Variants in DTNB observed in about 807,000 individuals in gnomAD.
DTNB encodes the protein DTN-B.
DTNB carries 63 observed loss-of-function variants against 90.7 expected under a neutral mutation model. The ratio of observed to expected loss-of-function variants is 0.69; its 90% CI spans 0.57 to 0.86. The LOEUF (loss-of-function observed/expected upper bound fraction) is 0.86, where lower values mean the gene tolerates loss of function less well. Among genes scored for constraint, DTNB ranks in the 40% least tolerant of loss-of-function variants. The probability of loss-of-function intolerance (pLI) is 0.00; values close to 1 mark genes in which losing one functional copy is unlikely to be tolerated. For missense variants in DTNB, 744 were observed against 807.1 expected (o/e 0.92, Z 0.95); for synonymous variants, 277 against 286.7 (o/e 0.97, Z 0.34).
At chr2:25,563,710 A>G (rs2058587657) in intron 8 of DTNB, among the ~76,000 whole-genome samples, 1 of 152,202 alleles carries the variant, frequency 6.6e-6, no homozygotes, top group Non-Finnish European at 1.5e-5. Flanking sequence ...TGAAAAGACT[A>G]TTCTTTCCTC....
intron 16 of DTNB, among the ~76,000 whole-genome samples, chr2:25,401,493 C>A (rs80304907): frequency 6.6e-6 from 1 of 152,176 alleles, no homozygotes; most frequent in Non-Finnish European, 1.5e-5. Context: ...ACCAGCTGCA[C>A]GGAGAGAAAG....
At chr2:25,636,401 G>A (rs1482244553) in intron 3 of DTNB, among the ~76,000 whole-genome samples, 8 of 152,088 alleles carry the variant, frequency 5.3e-5, no homozygotes, top group Non-Finnish European at 1.5e-5. Context: ...TTAGAACAAT[G>A]CATCTTTTAC....
chr2:25,662,308 GAA>G (rs2083341683), intron 1 of DTNB, among the ~76,000 whole-genome samples: 1 of 152,126 alleles, frequency 6.6e-6, no homozygotes, highest in Non-Finnish European at 1.5e-5. Context: ...TCCATCAACA[GAA>G]GCATGGGAAA....
intron 10 of DTNB, 62 bp from the exon 11 acceptor site, chr2:25,455,556 A>T (rs1158507984): frequency 7.9e-6 from 11 of 1,396,852 alleles, no homozygotes; most frequent in Middle Eastern, 1.8e-4. Context: ...GGAGAAATGA[A>T]CATGGATTAA....
At chr2:25,541,178 T>A (rs1024994724) in intron 8 of DTNB, among the ~76,000 whole-genome samples, 27 of 151,674 alleles carry the variant, frequency 1.8e-4, no homozygotes, top group Non-Finnish European at 2.9e-4. Context: ...GTCATAAAAA[T>A]ATATATATAT....
chr2:25,613,777 G>A (rs960679978), intron 4 of DTNB, among the ~76,000 whole-genome samples: 3 of 152,104 alleles, frequency 2.0e-5, no homozygotes, highest in Non-Finnish European at 4.4e-5. Flanking sequence ...GGCCAACATG[G>A]TGAAACCTTG....
intron 3 of DTNB, among the ~76,000 whole-genome samples, chr2:25,633,523 C>G (rs1174576046): frequency 6.6e-6 from 1 of 152,116 alleles, no homozygotes; most frequent in Non-Finnish European, 1.5e-5. Context: ...ACAACCTCCA[C>G]CTCCCAGCCG....
chr2:25,648,258 T>C (rs1448383009), intron 2 of DTNB, among the ~76,000 whole-genome samples: 1 of 152,206 alleles, frequency 6.6e-6, no homozygotes, highest in Non-Finnish European at 1.5e-5. Context: ...TCCATTCTTC[T>C]TTTAATAAAT....
intron 2 of DTNB, among the ~76,000 whole-genome samples, chr2:25,646,974 G>A (rs1168209710): frequency 1.3e-5 from 2 of 152,190 alleles, no homozygotes; most frequent in Non-Finnish European, 2.9e-5. Flanking sequence ...ACTCTTCAGT[G>A]ACAAGGCAAA....
intron 6 of DTNB, among the ~76,000 whole-genome samples, chr2:25,589,946 T>C (rs1346095037): frequency 1.3e-5 from 2 of 151,722 alleles, no homozygotes; most frequent in African/African-American, 2.4e-5. Context: ...TGTGAAGGAG[T>C]GTGGGGTCCG....
intron 6 of DTNB, among the ~76,000 whole-genome samples, chr2:25,592,660 C>G (rs1296802719): frequency 2.0e-5 from 3 of 151,122 alleles, no homozygotes; most frequent in African/African-American, 7.3e-5. Flanking sequence ...TAAAAAAAAG[C>G]ATTTCTGCTG....
chr2:25,477,840 G>A (rs1337673128), intron 10 of DTNB, among the ~76,000 whole-genome samples: 5 of 151,972 alleles, frequency 3.3e-5, no homozygotes, highest in East Asian at 1.9e-4. Context: ...CTGAATCTGC[G>A]TTTCCAGAGC....
Position 25,424,953 on chromosome 2 carries a change from C to T in DTNB, c.1554+2582G>A, listed in dbSNP as rs1362774981. Among the ~76,000 whole-genome samples, 2 of 152,170 alleles carry T rather than the reference C, an allele frequency of 1.3e-5. No individual in the cohort carries two copies. Among genetic ancestry groups the T allele is most frequent in the South Asian group, 2.1e-4 (1 of 4,830 alleles). On this transcript the variant is annotated intron_variant, in intron 15 of 20. Coordinates refer to ENST00000406818, the MANE Select transcript of DTNB (RefSeq NM_021907.5). This position sits in a 1 kb window ranked among gnomAD's most constrained non-coding sequence, Gnocchi z 4.1. ...CTGGTATTACAGGTGTTAGCCACTGCGCCCGACTGGATACCCTATTATCTC... is the reference window on the plus strand; with the variant it reads ...CTGGTATTACAGGTGTTAGCCACTGTGCCCGACTGGATACCCTATTATCTC...
intron 16 of DTNB, among the ~76,000 whole-genome samples, chr2:25,415,273 G>A (rs1430935833): frequency 1.4e-5 from 2 of 139,156 alleles, no homozygotes. Context: ...TTGAGACAGA[G>A]TCTCGCTCCG....
At chr2:25,482,683 C>A in intron 10 of DTNB, 113 bp downstream of exon 10, 1 of 1,022,532 alleles carries the variant, frequency 9.8e-7, no homozygotes, top group Non-Finnish European at 1.5e-6. Context: ...GAAAGCAAAC[C>A]AGTCCTTTCT....
rs200627195 is a variant in DTNB at position 25,666,923 on chromosome 2, A to G, written c.-2+6463T>C. On this transcript the variant is annotated intron_variant, in intron 1 of 20. Transcript: ENST00000406818. ...CTGCTGCCAATCTCTGCCTAGAACT[A>G]CAGTTTATCTAATACTCTAGGCTTA... 3.3e-5 allele frequency among the ~76,000 whole-genome samples: 5 copies of G among 152,182 alleles called. No individual in the cohort carries two copies. The East Asian group carries it at 9.6e-4, about 29-fold the overall frequency.
intron 1 of DTNB, among the ~76,000 whole-genome samples, chr2:25,660,348 T>C (rs922698195): frequency 2.0e-5 from 3 of 152,210 alleles, no homozygotes; most frequent in Non-Finnish European, 4.4e-5. Context: ...ATTATATGAT[T>C]CCAGTTCTAT....
chr2:25,583,155 G>T (rs1045884436), intron 6 of DTNB, among the ~76,000 whole-genome samples: 13 of 150,044 alleles, frequency 8.7e-5, no homozygotes, highest in African/African-American at 3.2e-4. Flanking sequence ...GCTGAGACAG[G>T]ATAATGGCTT....
chr2:25,643,797 C>A (rs1316795583), intron 2 of DTNB, among the ~76,000 whole-genome samples: 1 of 152,192 alleles, frequency 6.6e-6, no homozygotes, highest in Non-Finnish European at 1.5e-5. Flanking sequence ...TACCTAGGGG[C>A]TTGGTAAAAT....
Sources: allele counts gnomAD v4.1 joint callset (sites outside exome capture counted in the v4.1 genomes callset), GRCh38; gene constraint gnomAD v4.1.1; non-coding constraint Gnocchi (gnomAD v3.1); transcripts MANE v1.5; gene names NCBI Gene and HGNC (gene_info 2026-07-23, HGNC 2026-07-21).